Variants in DRC7 observed in about 807,000 individuals in gnomAD.
DRC7 encodes dynein regulatory complex subunit 7.
DRC7 carries 80 observed loss-of-function variants against 104.4 expected under a neutral mutation model. The ratio of observed to expected loss-of-function variants is 0.77; its 90% CI spans 0.64 to 0.92. The LOEUF (loss-of-function observed/expected upper bound fraction) is 0.92, where lower values mean the gene tolerates loss of function less well. Ranked by LOEUF, DRC7 falls within the 40% of genes least tolerant of loss-of-function variation. The pLI is 0.00. For missense variants in DRC7, 1,034 were observed against 1,141.1 expected, an observed-to-expected ratio of 0.91 and a Z score of 1.35; for synonymous variants, 405 against 447.3, an observed-to-expected ratio of 0.91 and a Z score of 1.19.
In DRC7 at chr16:57,727,309, T is replaced by C; in HGVS notation, c.2096T>C (p.Ile699Thr). The change falls in exon 16 of 19, where the codon ATT (isoleucine) becomes ACT (threonine). Residue 699 changes from isoleucine to threonine, a missense_variant. Transcript: ENST00000360716. Reference sequence around the variant, plus strand: ...CACTTCTCATTTCAGGTGCTGGAGATTCTGAAGCTTCGAGAGGAAGAGGAG... The same window carrying C: ...CACTTCTCATTTCAGGTGCTGGAGACTCTGAAGCTTCGAGAGGAAGAGGAG... Reference protein sequence around the residue: ...VWESELEVLEILKLREEEEAA... With the variant: ...VWESELEVLETLKLREEEEAA... 6.2e-7 allele frequency: 1 copy of C among 1,613,096 alleles called. No individual in the cohort carries two copies. Among genetic ancestry groups the C allele is most frequent in the Non-Finnish European group, 8.5e-7 (1 of 1,179,746 alleles).
At chr16:57,697,245 A>G (rs369090711) in intron 2 of DRC7, among the ~76,000 whole-genome samples, 1 of 152,122 alleles carries the variant, frequency 6.6e-6, no homozygotes, top group African/African-American at 2.4e-5. Context: ...ACTTGACAAT[A>G]CTATAGTAAT....
Position 57,731,549 on chromosome 16 carries a change from C to G in DRC7, c.*291C>G. Reference sequence around the variant, plus strand: ...CACCCCCTTCCTCCCCTTGGCCTGTCGTTTGCTTCCTGTCCTTCTCTCCGT... The same window carrying G: ...CACCCCCTTCCTCCCCTTGGCCTGTGGTTTGCTTCCTGTCCTTCTCTCCGT... On this transcript the variant is annotated 3_prime_UTR_variant, in exon 19 of 19. Coordinates refer to ENST00000360716, the MANE Select transcript of DRC7 (RefSeq NM_001289162.2). The G allele has an allele frequency of 2.2e-6, 1 of 449,928 alleles. No individual in the cohort carries two copies. The highest frequency in any genetic ancestry group is 4.0e-6 in the Non-Finnish European group (1 of 247,814). The allele number at this position is 449,928 out of a possible 1,614,324, so 27.9% of individuals were successfully genotyped here. A position where few individuals can be genotyped will look rare whatever the true frequency, so the allele number is the denominator to read the frequency against.
intron 12 of DRC7, among the ~76,000 whole-genome samples, chr16:57,723,502 A>G (rs113554194): frequency 0.028 from 4,277 of 152,226 alleles, 181 homozygotes; most frequent in African/African-American, 0.088. Context: ...GGAGGCCAAC[A>G]TGGGCAGTTG....
chr16:57,712,522 GTT>G (rs1279116670), intron 8 of DRC7, among the ~76,000 whole-genome samples: 2 of 152,108 alleles, frequency 1.3e-5, no homozygotes, highest in African/African-American at 4.8e-5. Flanking sequence ...TGGTTTTGTG[GTT>G]TTTCTCCGTT....
chr16:57,714,828 A>G, intron 8 of DRC7: 1 of 355,960 alleles, frequency 2.8e-6, no homozygotes, highest in Non-Finnish European at 5.5e-6. Context: ...CTTCCTTCCC[A>G]GTATATACTA....
At chr16:57,723,361 AG>A (rs1252373808) in intron 12 of DRC7, among the ~76,000 whole-genome samples, 4 of 152,202 alleles carry the variant, frequency 2.6e-5, no homozygotes, top group African/African-American at 9.6e-5. Flanking sequence ...GGAAAGCTAA[AG>A]GGGGCGCCAC....
At chr16:57,706,071 GCCTCCCATCCATCCAT>G (rs200432797) in intron 7 of DRC7, among the ~76,000 whole-genome samples, 15,463 of 59,296 alleles carry the variant, frequency 0.26, 1,207 homozygotes, top group East Asian at 0.39. Flanking sequence ...CTCCCATTTT[GCCTCCCATCCATCCAT>G]CCTCCCATCC....
intron 2 of DRC7, 152 bp from the exon 3 acceptor site, chr16:57,697,761 G>A (rs2048610964): frequency 1.2e-6 from 1 of 802,340 alleles, no homozygotes; most frequent in South Asian, 1.8e-5. Context: ...CTTTCTCCAT[G>A]TTTGAAAGGA....
chr16:57,715,966 G>A (rs1567881038), intron 8 of DRC7, among the ~76,000 whole-genome samples: 1 of 152,312 alleles, frequency 6.6e-6, no homozygotes, highest in African/African-American at 2.4e-5. Flanking sequence ...ACCAGCACAC[G>A]AACATTGGAG....
chr16:57,702,681 G>A (rs965743894), intron 6 of DRC7, among the ~76,000 whole-genome samples: 2 of 152,190 alleles, frequency 1.3e-5, no homozygotes, highest in Non-Finnish European at 1.5e-5. Context: ...TGTGCCTGTA[G>A]TCCCAGTTAC....
chr16:57,726,460 C>A, intron 14 of DRC7, 177 bp downstream of exon 14: 3 of 622,602 alleles, frequency 4.8e-6, no homozygotes. Context: ...TCTTTGAGCT[C>A]CTCTGAAAAT....
chr16:57,695,126 G>A (rs940792199), intron 1 of DRC7, among the ~76,000 whole-genome samples: 16 of 152,156 alleles, frequency 1.1e-4, no homozygotes, highest in African/African-American at 3.9e-4. Context: ...GGCCACCTGT[G>A]TAGGGAATAA....
chr16:57,706,627 C>G (rs2048734031), intron 7 of DRC7, among the ~76,000 whole-genome samples: 1 of 112,194 alleles, frequency 8.9e-6, no homozygotes, highest in Non-Finnish European at 1.9e-5. Flanking sequence ...CCCATCCGTC[C>G]ATCCTCCCAT....
intron 8 of DRC7, among the ~76,000 whole-genome samples, chr16:57,711,447 A>C (rs1018923259): frequency 6.6e-6 from 1 of 152,160 alleles, no homozygotes; most frequent in African/African-American, 2.4e-5. Context: ...GGCTTTTTCC[A>C]GGAAAGAATT....
intron 10 of DRC7, 33 bp downstream of exon 10, chr16:57,721,772 C>T (rs1301350587): frequency 3.8e-6 from 6 of 1,559,862 alleles, no homozygotes; most frequent in Non-Finnish European, 5.3e-6. Flanking sequence ...CTTATCCTCT[C>T]CAGATCCAGT....
At chr16:57,724,550 A>C in intron 12 of DRC7, 65 bp from the exon 13 acceptor site, 1 of 1,267,788 alleles carries the variant, frequency 7.9e-7, no homozygotes, top group Non-Finnish European at 1.1e-6. Context: ...TGGGCGACCA[A>C]GCCAGCAGCC....
rs569651140 is a variant in DRC7 at position 57,702,067 on chromosome 16, G to A, written c.636G>A (p.Ser212=). 2.3e-5 allele frequency: 37 copies of A among 1,613,872 alleles called. No homozygotes were observed. The highest frequency in any genetic ancestry group is 1.7e-4 in the Middle Eastern group (1 of 6,060). Residue 212 remains serine, a synonymous_variant, in exon 6 of 19, where the codon TCG becomes TCA. Coordinates refer to ENST00000360716, the MANE Select transcript of DRC7 (RefSeq NM_001289162.2). The part of the protein sequence containing the change: ...YDAYCVNGYG[S]LDLCHMDLTR... Reference sequence around the variant, plus strand: ...CTTACTGCGTCAACGGCTACGGCTCGCTGGACCTGTGCCACATGGACCTGA... The same window carrying A: ...CTTACTGCGTCAACGGCTACGGCTCACTGGACCTGTGCCACATGGACCTGA...
chr16:57,699,525 G>A (rs532846001), intron 4 of DRC7, among the ~76,000 whole-genome samples: 2 of 152,238 alleles, frequency 1.3e-5, no homozygotes, highest in Admixed American at 6.5e-5. Context: ...CATGCTCTGG[G>A]TCACAGGGCT....
At chr16:57,721,171 C>T (rs2048897953) in intron 9 of DRC7, among the ~76,000 whole-genome samples, 1 of 152,032 alleles carries the variant, frequency 6.6e-6, no homozygotes, top group Non-Finnish European at 1.5e-5. Flanking sequence ...AGCCAAGATT[C>T]ACTGCACTCC....
Sources: gnomAD v4.1 joint callset for allele counts (sites outside exome capture counted in the v4.1 genomes callset) on GRCh38, gnomAD v4.1.1 for gene constraint, MANE v1.5 for transcripts, NCBI Gene and HGNC (gene_info 2026-07-23, HGNC 2026-07-21) for gene names.